TAFA1: variants seen among roughly 807,000 people sequenced by gnomAD.
TAFA1 encodes the protein chemokine-like protein TAFA-1.
TAFA1 carries 4 observed loss-of-function variants against 18.5 expected under a neutral mutation model. The ratio of observed to expected loss-of-function variants is 0.22; its 90% confidence interval spans 0.11 to 0.49. TAFA1 has a LOEUF of 0.49. Ranked by LOEUF, TAFA1 falls within the 20% of genes least tolerant of loss-of-function variation. The pLI is 0.98. For synonymous variants in TAFA1, 56 were observed against 55.2 expected (o/e 1.01, Z -0.06); for missense variants, 147 against 169.0 (o/e 0.87, Z 0.72).
chr3:68,048,334 G>C (rs559787342), intron 2 of TAFA1, among the ~76,000 whole-genome samples: 2 of 152,158 alleles, frequency 1.3e-5, no homozygotes, highest in East Asian at 3.9e-4. Flanking sequence ...TGGGTAAGTA[G>C]TAGGTAAATA....
At chr3:68,029,561 T>C (rs1419541876) in intron 2 of TAFA1, among the ~76,000 whole-genome samples, 1 of 152,202 alleles carries the variant, frequency 6.6e-6, no homozygotes, top group Non-Finnish European at 1.5e-5. Flanking sequence ...TTATTTAGTC[T>C]CACTAGCCAC....
chr3:68,074,074 G>A (rs1382202673), intron 2 of TAFA1, among the ~76,000 whole-genome samples: 1 of 152,164 alleles, frequency 6.6e-6, no homozygotes, highest in Non-Finnish European at 1.5e-5. Flanking sequence ...AGTCCCATCT[G>A]CGGGTGATGG....
At chr3:68,410,379 A>G (rs879762714) in intron 2 of TAFA1, among the ~76,000 whole-genome samples, 4 of 152,146 alleles carry the variant, frequency 2.6e-5, no homozygotes, top group African/African-American at 4.8e-5. Flanking sequence ...GAGTACATTT[A>G]ACACATCTAA....
At chr3:68,372,927 G>A (rs986542419) in intron 2 of TAFA1, among the ~76,000 whole-genome samples, 3 of 152,152 alleles carry the variant, frequency 2.0e-5, no homozygotes, top group Admixed American at 6.6e-5. Flanking sequence ...CATTTAAAAC[G>A]ATAGTAAACA....
At chr3:68,529,111 T>C (rs1290906306) in intron 3 of TAFA1, among the ~76,000 whole-genome samples, 1 of 151,894 alleles carries the variant, frequency 6.6e-6, no homozygotes, top group Non-Finnish European at 1.5e-5. Context: ...ATAGTATTAA[T>C]CCTACTGTTA....
chr3:68,043,107 C>T (rs937237992), intron 2 of TAFA1, among the ~76,000 whole-genome samples: 2 of 151,998 alleles, frequency 1.3e-5, no homozygotes, highest in African/African-American at 4.8e-5. Context: ...CTGGTCCTCA[C>T]GTGATCTGCC....
At chr3:68,333,827 A>G (rs1282458010) in intron 2 of TAFA1, among the ~76,000 whole-genome samples, 2 of 152,222 alleles carry the variant, frequency 1.3e-5, no homozygotes, top group African/African-American at 4.8e-5. Flanking sequence ...CAGCCTTACA[A>G]AAGAAGGAAA....
intron 3 of TAFA1, among the ~76,000 whole-genome samples, chr3:68,492,543 A>T (rs1372953938): frequency 1.3e-5 from 2 of 152,150 alleles, no homozygotes; most frequent in East Asian, 3.9e-4. Flanking sequence ...ATCAGAAAGG[A>T]GTGCTTGCCC....
rs575458202 is a variant in TAFA1 at position 68,237,988 on chromosome 3, AT to A, written c.119-179279del. ...TGCTTTTGGTCATTTGCTTTTTGTT[AT>A]TTTTTTTTTTTTCCTTTTTCCATGA... On this transcript the variant is annotated intron_variant, in intron 2 of 4. Coordinates refer to ENST00000478136, the MANE Select transcript of TAFA1 (RefSeq NM_213609.4). Among the ~76,000 whole-genome samples, 615 of 142,670 alleles carry A rather than the reference AT, an allele frequency of 4.3e-3. 4 individuals carry two copies. The highest frequency in any genetic ancestry group is 0.024 in the South Asian group (107 of 4,502). The allele number at this position is 142,670 out of a possible 152,430, so 93.6% of individuals were successfully genotyped here. A position where few individuals can be genotyped will look rare whatever the true frequency, so the allele number is the denominator to read the frequency against.
At chr3:68,069,222 G>T (rs2064721697) in intron 2 of TAFA1, among the ~76,000 whole-genome samples, 1 of 152,214 alleles carries the variant, frequency 6.6e-6, no homozygotes. Context: ...TTATACAGCA[G>T]AAAGGGTTTA....
At chr3:68,464,151 G>A (rs1362861104) in intron 3 of TAFA1, among the ~76,000 whole-genome samples, 4 of 152,150 alleles carry the variant, frequency 2.6e-5, no homozygotes, top group African/African-American at 7.2e-5. Flanking sequence ...CTGTTCATCA[G>A]CTGAGCACCT....
chr3:68,513,666 C>T (rs900443455), intron 3 of TAFA1, among the ~76,000 whole-genome samples: 12 of 151,996 alleles, frequency 7.9e-5, no homozygotes, highest in East Asian at 3.9e-4. Flanking sequence ...CCTATTGCCT[C>T]GAGAAACACT....
chr3:68,250,369 C>T (rs2067169479), intron 2 of TAFA1, among the ~76,000 whole-genome samples: 1 of 152,162 alleles, frequency 6.6e-6, no homozygotes, highest in South Asian at 2.1e-4. Flanking sequence ...ATAAGACATA[C>T]TTGCTCATAG....
At chr3:68,215,113 C>G (rs1051022952) in intron 2 of TAFA1, among the ~76,000 whole-genome samples, 1 of 151,888 alleles carries the variant, frequency 6.6e-6, no homozygotes, top group African/African-American at 2.4e-5. Flanking sequence ...TGAATTTATG[C>G]GGTTATAACT....
chr3:68,243,141 TA>T (rs1276951767), intron 2 of TAFA1, among the ~76,000 whole-genome samples: 1 of 152,168 alleles, frequency 6.6e-6, no homozygotes, highest in Non-Finnish European at 1.5e-5. Flanking sequence ...TTTAACTTTT[TA>T]TTTTTAAATA....
At chr3:68,056,104 G>A (rs2064533584) in intron 2 of TAFA1, among the ~76,000 whole-genome samples, 1 of 152,088 alleles carries the variant, frequency 6.6e-6, no homozygotes, top group South Asian at 2.1e-4. Context: ...AATTGCATAA[G>A]CTAGTGCATC....
chr3:68,138,449 A>G (rs1172500572), intron 2 of TAFA1, among the ~76,000 whole-genome samples: 1 of 152,182 alleles, frequency 6.6e-6, no homozygotes, highest in Non-Finnish European at 1.5e-5. Context: ...AGATTCTGGG[A>G]TTGTCTGTTA....
intron 3 of TAFA1, among the ~76,000 whole-genome samples, chr3:68,421,672 A>T (rs1424960888): frequency 4.6e-5 from 7 of 152,106 alleles, no homozygotes; most frequent in African/African-American, 1.2e-4. Context: ...GATTATAGAC[A>T]TTTCTACTTT....
At chr3:68,194,194 T>C (rs1028926639) in intron 2 of TAFA1, among the ~76,000 whole-genome samples, 4 of 151,656 alleles carry the variant, frequency 2.6e-5, no homozygotes, top group African/African-American at 9.7e-5. Flanking sequence ...TCAAAGTCAA[T>C]GGGGTAGGAA....
Sources: gnomAD v4.1 joint callset for allele counts (sites outside exome capture counted in the v4.1 genomes callset) on GRCh38, gnomAD v4.1.1 for gene constraint, MANE v1.5 for transcripts, NCBI Gene and HGNC (gene_info 2026-07-23, HGNC 2026-07-21) for gene names.